MID1: variants seen among roughly 807,000 people sequenced by gnomAD.
The protein encoded by MID1 is midline 1, also known as E3 ubiquitin-protein ligase Midline-1.
A neutral mutation model predicts 40.4 loss-of-function variants in MID1; 7 were observed. That is an observed-to-expected ratio of 0.17 (90% CI 0.10 to 0.33). The LOEUF (loss-of-function observed/expected upper bound fraction) is 0.33. Ranked by LOEUF, MID1 falls within the 10% of genes least tolerant of loss-of-function variation. MID1 has a pLI of 1.00. For missense variants in MID1, 367 were observed against 558.5 expected (o/e 0.66, Z 3.46); for synonymous variants, 229 against 221.2 (o/e 1.04, Z -0.31).
chrX:10,733,749 T>C (rs1475875522), intron 1 of MID1, among the ~76,000 whole-genome samples: 1 of 112,281 alleles, frequency 8.9e-6, no homozygotes, highest in Non-Finnish European at 1.9e-5. Flanking sequence ...GAAAGTACCA[T>C]TTCATATTCA....
chrX:10,627,658 G>A (rs889108321), intron 1 of MID1, among the ~76,000 whole-genome samples: 3 of 111,013 alleles, frequency 2.7e-5, no homozygotes, highest in Non-Finnish European at 5.7e-5. Context: ...CCTTATATAC[G>A]AGAAAGATTA....
chrX:10,693,337 G>A lies in MID1; in HGVS notation c.-186-72918C>T, dbSNP rs189521963. ...AGCCTTCCAAGTAGCTGGGACCACAGGTGTGCACCACTGCACTTGGTTAAT... is the reference window on the plus strand; with the variant it reads ...AGCCTTCCAAGTAGCTGGGACCACAAGTGTGCACCACTGCACTTGGTTAAT... On this transcript the variant is annotated intron_variant, in intron 1 of 10. Coordinates refer to the MID1 transcript ENST00000380785. Among the ~76,000 whole-genome samples, 8 of 107,948 alleles carry A rather than the reference G, an allele frequency of 7.4e-5. No homozygotes were observed. In the East Asian group the frequency reaches 2.0e-3, roughly 28 times the overall value. 93.7% of individuals were successfully genotyped at this position (107,948 alleles called of 115,157 possible). A position where few individuals can be genotyped will look rare whatever the true frequency, so the allele number is the denominator to read the frequency against.
chrX:10,613,913 G>C (rs751317284), intron 1 of MID1, among the ~76,000 whole-genome samples: 1 of 106,322 alleles, frequency 9.4e-6, no homozygotes. Context: ...GCTGTTTCCC[G>C]GACCTTTCTA....
chrX:10,682,389 T>G (rs1281432181), intron 1 of MID1, among the ~76,000 whole-genome samples: 1 of 110,541 alleles, frequency 9.0e-6, no homozygotes, highest in African/African-American at 3.3e-5. Context: ...TTATGCTCCC[T>G]GGCAAAGCAC....
intron 1 of MID1, among the ~76,000 whole-genome samples, chrX:10,580,719 A>G (rs774710547): frequency 1.6e-4 from 18 of 109,483 alleles, no homozygotes; most frequent in Non-Finnish European, 3.0e-4. Context: ...TCTCTTTTCT[A>G]TGTTTTGCCA....
chrX:10,576,190 A>C (rs1019902425), intron 1 of MID1, among the ~76,000 whole-genome samples: 9 of 111,620 alleles, frequency 8.1e-5, no homozygotes, highest in African/African-American at 2.6e-4. Flanking sequence ...TAATTTCGCC[A>C]AACACCCACC....
At chrX:10,712,203 G>A (rs907769212) in intron 1 of MID1, among the ~76,000 whole-genome samples, 2 of 111,180 alleles carry the variant, frequency 1.8e-5, no homozygotes, top group African/African-American at 6.5e-5. Context: ...TGGTCAGGCA[G>A]TTGTTAACTG....
intron 1 of MID1, among the ~76,000 whole-genome samples, chrX:10,778,060 G>T (rs936328047): frequency 2.7e-5 from 3 of 111,247 alleles, no homozygotes; most frequent in African/African-American, 9.8e-5. Context: ...ATAAGTAGAA[G>T]GTGTATACTT....
chrX:10,453,947 A>G (rs1024330206), intron 9 of MID1, among the ~76,000 whole-genome samples: 1 of 112,228 alleles, frequency 8.9e-6, no homozygotes, highest in Non-Finnish European at 1.9e-5. Context: ...TGACATCTGT[A>G]AAATGCTTAG....
At chrX:10,672,144 G>A (rs2042990833) in intron 1 of MID1, among the ~76,000 whole-genome samples, 1 of 109,838 alleles carries the variant, frequency 9.1e-6, no homozygotes, top group Admixed American at 9.7e-5. Context: ...AGGATCACTT[G>A]ACCACAGGAA....
intron 1 of MID1, among the ~76,000 whole-genome samples, chrX:10,634,052 T>C (rs1223851242): frequency 9.0e-6 from 1 of 111,481 alleles, no homozygotes; most frequent in East Asian, 2.8e-4. Flanking sequence ...TTAAGTCAGA[T>C]GACCTCACAA....
intron 7 of MID1, among the ~76,000 whole-genome samples, chrX:10,466,840 C>A (rs1004383679): frequency 8.9e-6 from 1 of 111,975 alleles, no homozygotes; most frequent in African/African-American, 3.2e-5. Context: ...CAGTGAAATA[C>A]AATAAGCTCA....
At chrX:10,804,515 C>T (rs1437755879) in intron 1 of MID1, among the ~76,000 whole-genome samples, 2 of 111,839 alleles carry the variant, frequency 1.8e-5, no homozygotes, top group Non-Finnish European at 3.8e-5. Context: ...TCCTCCCTCA[C>T]CCATTGTATC....
At chrX:10,647,865 A>G (rs1169298211) in intron 1 of MID1, among the ~76,000 whole-genome samples, 1 of 112,156 alleles carries the variant, frequency 8.9e-6, no homozygotes, top group African/African-American at 3.2e-5. Context: ...TTCATTTCTC[A>G]TTTTAGGCAT....
At chrX:10,684,408 CT>C (rs749267236) in intron 1 of MID1, among the ~76,000 whole-genome samples, 67 of 92,222 alleles carry the variant, frequency 7.3e-4, no homozygotes, top group Middle Eastern at 5.7e-3. Flanking sequence ...TCTTTCTTTT[CT>C]TTTTTTTTTT....
intron 1 of MID1, among the ~76,000 whole-genome samples, chrX:10,781,186 A>G (rs2043843271): frequency 8.9e-6 from 1 of 112,202 alleles, no homozygotes; most frequent in Non-Finnish European, 1.9e-5. Flanking sequence ...TAGTTTGTGA[A>G]TATGTGGGTT....
intron 1 of MID1, among the ~76,000 whole-genome samples, chrX:10,728,924 G>A (rs778585945): frequency 8.9e-6 from 1 of 111,778 alleles, no homozygotes; most frequent in South Asian, 3.8e-4. Context: ...TAGGCAGCGT[G>A]TTTCCCATAA....
intron 1 of MID1, among the ~76,000 whole-genome samples, chrX:10,677,916 C>A (rs995254261): frequency 9.1e-6 from 1 of 110,446 alleles, no homozygotes; most frequent in Non-Finnish European, 1.9e-5. Context: ...AGGTGCATAG[C>A]AAATGCTATA....
chrX:10,664,753 G>A (rs112949318), intron 1 of MID1, among the ~76,000 whole-genome samples: 2,767 of 111,679 alleles, frequency 0.025, 36 homozygotes, highest in African/African-American at 0.049. Context: ...TAAAGCCTCC[G>A]TGATGGCTCC....
Sources: gnomAD v4.1 joint callset for allele counts (sites outside exome capture counted in the v4.1 genomes callset) on GRCh38, gnomAD v4.1.1 for gene constraint, MANE v1.5 for transcripts, NCBI Gene and HGNC (gene_info 2026-07-23, HGNC 2026-07-21) for gene names.